The following BICDL1 variants were observed in gnomAD, a reference collection of about 807,000 sequenced individuals.
BICDL1 encodes BICD family like cargo adaptor 1.
BICDL1 carries 20 observed loss-of-function variants against 76.8 expected under a neutral mutation model. The observed-to-expected ratio is 0.26, with a 90% confidence interval of 0.18 to 0.38. The LOEUF (loss-of-function observed/expected upper bound fraction) is 0.38. Ranked by LOEUF, BICDL1 falls within the 10% of genes least tolerant of loss-of-function variation. The pLI is 1.00. For synonymous variants in BICDL1, 383 were observed against 337.1 expected, an observed-to-expected ratio of 1.14 and a Z score of -1.49; for missense variants, 700 against 798.6, an observed-to-expected ratio of 0.88 and a Z score of 1.49.
intron 2 of BICDL1, among the ~76,000 whole-genome samples, chr12:120,049,851 C>T (rs2138846565): frequency 6.6e-6 from 1 of 152,272 alleles, no homozygotes. Context: ...TTCTTAAACT[C>T]TGTCCATTAG....
At chr12:120,031,211 T>TA in intron 2 of BICDL1, among the ~76,000 whole-genome samples, 1 of 150,674 alleles carries the variant, frequency 6.6e-6, no homozygotes, top group Non-Finnish European at 1.5e-5. Flanking sequence ...TCCTTTTTTT[T>TA]TTTTTTTTTT....
intron 8 of BICDL1, among the ~76,000 whole-genome samples, chr12:120,088,412 A>G (rs1052040267): frequency 5.9e-5 from 9 of 152,084 alleles, no homozygotes; most frequent in African/African-American, 2.2e-4. Flanking sequence ...GCTGGAGTGC[A>G]GTGGCACAAT....
intron 2 of BICDL1, among the ~76,000 whole-genome samples, chr12:120,016,067 C>T (rs1952054060): frequency 6.6e-6 from 1 of 152,166 alleles, no homozygotes; most frequent in South Asian, 2.1e-4. Context: ...ACTCCTGTCC[C>T]CACCCGCAGC....
At chr12:120,042,767 T>G (rs1366682256) in intron 2 of BICDL1, among the ~76,000 whole-genome samples, 1 of 148,842 alleles carries the variant, frequency 6.7e-6, no homozygotes, top group East Asian at 2.0e-4. Context: ...ATTGTGCCAC[T>G]GCGCTCCAGC....
chr12:120,053,727 A>G (rs1055080927), intron 2 of BICDL1, among the ~76,000 whole-genome samples: 3 of 152,134 alleles, frequency 2.0e-5, no homozygotes, highest in Non-Finnish European at 4.4e-5. Context: ...TTATTAGAGA[A>G]TGGTATTTGG....
At chr12:120,003,174 AAACAGT>A (rs1268552314) in intron 2 of BICDL1, among the ~76,000 whole-genome samples, 1 of 151,450 alleles carries the variant, frequency 6.6e-6, no homozygotes, top group African/African-American at 2.4e-5. Context: ...AAAAAAAAAA[AAACAGT>A]CGGTAGGGAA....
chr12:120,062,323 G>A (rs1953122937), intron 3 of BICDL1, among the ~76,000 whole-genome samples: 1 of 152,190 alleles, frequency 6.6e-6, no homozygotes. Context: ...GAATGTGAGG[G>A]CCAGGATGAG....
At chr12:119,998,292 C>CT (rs1344723033) in intron 1 of BICDL1, among the ~76,000 whole-genome samples, 2 of 152,124 alleles carry the variant, frequency 1.3e-5, no homozygotes, top group African/African-American at 4.8e-5. Context: ...AACATAATAA[C>CT]TTTAAGTATT....
intron 8 of BICDL1, among the ~76,000 whole-genome samples, chr12:120,082,063 C>T (rs373192103): frequency 1.5e-4 from 23 of 152,208 alleles, no homozygotes; most frequent in African/African-American, 4.3e-4. Context: ...AATCAGACTC[C>T]GAAGCCTACA....
intron 2 of BICDL1, among the ~76,000 whole-genome samples, chr12:120,014,217 A>C (rs1440657628): frequency 6.6e-6 from 1 of 152,244 alleles, no homozygotes; most frequent in African/African-American, 2.4e-5. Flanking sequence ...GAAGAACTTC[A>C]ATATTTAAAA....
intron 2 of BICDL1, among the ~76,000 whole-genome samples, chr12:120,034,831 C>G (rs1338671686): frequency 6.6e-6 from 1 of 152,232 alleles, no homozygotes; most frequent in Non-Finnish European, 1.5e-5. Flanking sequence ...GTTCACAACA[C>G]AGCTGATTGC....
At chr12:120,082,523 G>A (rs1874071094) in intron 8 of BICDL1, among the ~76,000 whole-genome samples, 1 of 151,704 alleles carries the variant, frequency 6.6e-6, no homozygotes, top group Non-Finnish European at 1.5e-5. Flanking sequence ...CAAAGTCCTG[G>A]GATTACAGGC....
intron 2 of BICDL1, among the ~76,000 whole-genome samples, chr12:120,007,326 T>G (rs1951869019): frequency 6.6e-6 from 1 of 152,144 alleles, no homozygotes; most frequent in South Asian, 2.1e-4. Context: ...AAATACTGAG[T>G]TAAATTTCCG....
At chr12:120,044,821 A>T (rs1952714063) in intron 2 of BICDL1, among the ~76,000 whole-genome samples, 1 of 152,134 alleles carries the variant, frequency 6.6e-6, no homozygotes, top group Admixed American at 6.6e-5. Flanking sequence ...CTTGTAGTAT[A>T]GTTTGAAGTC....
Position 120,003,880 on chromosome 12 carries a change from G to T in BICDL1, c.645+5144G>T, listed in dbSNP as rs550717358. On this transcript the variant is annotated intron_variant, in intron 2 of 9. Coordinates refer to ENST00000548673, the MANE Select transcript of BICDL1 (RefSeq NM_001367886.1). ...ACAAAAAATTCTCGTCTCATGGGAC[G>T]ATTGGCCATTATTTGGGTTTAGGTA... Among the ~76,000 whole-genome samples the T allele has an allele frequency of 2.0e-5, 3 of 152,300 alleles. No individual in the cohort carries two copies. In the South Asian group the frequency reaches 6.2e-4, roughly 32 times the overall value.
Position 120,071,574 on chromosome 12 carries a change from T to G in BICDL1, c.910-48T>G, listed in dbSNP as rs1555291825. 1.3e-6 allele frequency: 2 copies of G among 1,547,282 alleles called. No homozygotes were observed. Among genetic ancestry groups the G allele is most frequent in the Non-Finnish European group, 1.7e-6 (2 of 1,147,006 alleles). On this transcript the variant is annotated intron_variant, in intron 4 of 9. Transcript: ENST00000548673. This position sits in a 1 kb window ranked among gnomAD's most constrained non-coding sequence, Gnocchi z 4.8. The stretch of plus-strand genomic sequence containing the variant: ...GATCAGGTTGAGGGTCAGTTTGTCT[T>G]GGTTTTTGTGTTTGGTAAACCTCAA...
intron 2 of BICDL1, among the ~76,000 whole-genome samples, chr12:120,043,428 T>G (rs1028240564): frequency 1.3e-5 from 2 of 152,066 alleles, no homozygotes; most frequent in African/African-American, 4.8e-5. Context: ...AAGACTTGAG[T>G]GAGGTTTATA....
chr12:120,003,915 CT>C (rs1288929094), intron 2 of BICDL1, among the ~76,000 whole-genome samples: 1 of 152,144 alleles, frequency 6.6e-6, no homozygotes, highest in Non-Finnish European at 1.5e-5. Flanking sequence ...ATCATTATGG[CT>C]TTCCTGTCCT....
intron 6 of BICDL1, among the ~76,000 whole-genome samples, chr12:120,073,693 C>CT (rs541355839): frequency 1.1e-3 from 168 of 152,282 alleles, no homozygotes; most frequent in African/African-American, 3.7e-3. Context: ...AAACTTGTGT[C>CT]TTTCTGCCTG....
Sources: gnomAD v4.1 joint callset for allele counts (sites outside exome capture counted in the v4.1 genomes callset) on GRCh38, gnomAD v4.1.1 for gene constraint, Gnocchi (gnomAD v3.1) non-coding constraint, MANE v1.5 for transcripts, NCBI Gene and HGNC (gene_info 2026-07-23, HGNC 2026-07-21) for gene names.